Variants in FAM171A1 observed in about 807,000 individuals in gnomAD.
FAM171A1 encodes family with sequence similarity 171 member A1.
In FAM171A1, 23 loss-of-function variants were observed where a neutral mutation model predicts 74.9. That is an observed-to-expected ratio of 0.31 (90% CI 0.22 to 0.44). The LOEUF (loss-of-function observed/expected upper bound fraction) is 0.44. Among genes scored for constraint, FAM171A1 ranks in the 20% least tolerant of loss-of-function variants. The pLI is 1.00. For missense variants in FAM171A1, 1,162 were observed against 1,159.2 expected, an observed-to-expected ratio of 1.00 and a Z score of -0.03; for synonymous variants, 527 against 505.7, an observed-to-expected ratio of 1.04 and a Z score of -0.57.
Position 15,214,220 on chromosome 10 carries a change from G to A in FAM171A1, c.1368C>T (p.Asp456=). Residue 456 remains aspartate (D), a synonymous_variant, in exon 8 of 8, where the codon GAC becomes GAT. Coordinates refer to ENST00000378116, the MANE Select transcript of FAM171A1 (RefSeq NM_001010924.2). ...NLTPSGTLGK[D]YHKSVEVFPL... is the part of the protein sequence containing the mutation. The stretch of plus-strand genomic sequence containing the variant: ...GAAAAACCTCCACTGACTTATGGTA[G>A]TCTTTCCCCAGCGTCCCACTTGGAG... 1 of 1,614,164 alleles carries A rather than the reference G, an allele frequency of 6.2e-7. No homozygotes were observed. Among genetic ancestry groups the A allele is most frequent in the Non-Finnish European group, 8.5e-7 (1 of 1,180,014 alleles).
In FAM171A1 at chr10:15,212,283, G is replaced by C. The variant is rs924296051; in HGVS notation, c.*632C>G. 2 of 153,496 alleles carry C rather than the reference G, an allele frequency of 1.3e-5. No individual in the cohort carries two copies. The highest frequency in any genetic ancestry group is 4.8e-5 in the African/African-American group (2 of 41,442). 9.5% of individuals were successfully genotyped at this position (153,496 alleles called of 1,614,324 possible). A position where few individuals can be genotyped will look rare whatever the true frequency, so the allele number is the denominator to read the frequency against. On this transcript the variant is annotated 3_prime_UTR_variant, in exon 8 of 8. Coordinates refer to ENST00000378116, the MANE Select transcript of FAM171A1 (RefSeq NM_001010924.2). ...GAGGACACTCAGCGGTTCCTGAAGGGAGACGCTGAGATGGACCGCTGAGAA... is the reference window on the plus strand; with the variant it reads ...GAGGACACTCAGCGGTTCCTGAAGGCAGACGCTGAGATGGACCGCTGAGAA...
chr10:15,255,797 G>A (rs1834573079), intron 3 of FAM171A1, among the ~76,000 whole-genome samples: 2 of 151,736 alleles, frequency 1.3e-5, no homozygotes, highest in Non-Finnish European at 2.9e-5. Flanking sequence ...ACAGGTGCCC[G>A]CCACCACACC....
intron 1 of FAM171A1, among the ~76,000 whole-genome samples, chr10:15,340,266 G>GA (rs1835750587): frequency 6.6e-6 from 1 of 152,130 alleles, no homozygotes; most frequent in Non-Finnish European, 1.5e-5. Context: ...TAGGAAGAGG[G>GA]ATGAAGGGAT....
intron 3 of FAM171A1, among the ~76,000 whole-genome samples, chr10:15,258,015 C>T (rs542602682): frequency 4.6e-5 from 7 of 152,250 alleles, no homozygotes; most frequent in South Asian, 2.1e-4. Flanking sequence ...CCTGAAAATA[C>T]GGGGGTCCCC....
chr10:15,289,927 C>T (rs1239775574), intron 1 of FAM171A1, among the ~76,000 whole-genome samples: 1 of 152,300 alleles, frequency 6.6e-6, no homozygotes, highest in African/African-American at 2.4e-5. Flanking sequence ...GAACTCACTA[C>T]TTTTGGCCCT....
At chr10:15,298,888 C>G (rs1214033818) in intron 1 of FAM171A1, among the ~76,000 whole-genome samples, 2 of 152,148 alleles carry the variant, frequency 1.3e-5, no homozygotes, top group African/African-American at 4.8e-5. Context: ...CCACAACAAG[C>G]CACCCCAACA....
chr10:15,370,604 C>A (rs1405951307), intron 1 of FAM171A1, among the ~76,000 whole-genome samples: 1 of 151,988 alleles, frequency 6.6e-6, no homozygotes, highest in African/African-American at 2.4e-5. Context: ...TCCGCGGCGA[C>A]ATGGGAGACA....
chr10:15,275,823 A>G, intron 3 of FAM171A1, 32 bp downstream of exon 3: 1 of 1,396,188 alleles, frequency 7.2e-7, no homozygotes, highest in South Asian at 1.2e-5. Context: ...ATCAAAAATA[A>G]CAATAAAAAC....
chr10:15,301,117 C>T (rs1835222920), intron 1 of FAM171A1, among the ~76,000 whole-genome samples: 1 of 152,142 alleles, frequency 6.6e-6, no homozygotes, highest in South Asian at 2.1e-4. Context: ...TTAAGTACTT[C>T]TGCACATATT....
chr10:15,219,319 A>AAC (rs1260726900), intron 6 of FAM171A1, among the ~76,000 whole-genome samples: 2 of 151,972 alleles, frequency 1.3e-5, no homozygotes, highest in Non-Finnish European at 2.9e-5. Context: ...ACAAAACCAA[A>AAC]ACACACACAC....
intron 1 of FAM171A1, among the ~76,000 whole-genome samples, chr10:15,286,623 G>A (rs1456921018): frequency 6.6e-6 from 1 of 152,072 alleles, no homozygotes; most frequent in Non-Finnish European, 1.5e-5. Context: ...ATCCTACACT[G>A]GGGCAACCAT....
At chr10:15,236,519 G>GTC (rs929261126) in intron 5 of FAM171A1, among the ~76,000 whole-genome samples, 29 of 151,802 alleles carry the variant, frequency 1.9e-4, no homozygotes, top group African/African-American at 7.0e-4. Context: ...CACACAACGA[G>GTC]TCACCAGAGG....
At chr10:15,279,113 G>T (rs78310149) in intron 2 of FAM171A1, among the ~76,000 whole-genome samples, 3 of 152,126 alleles carry the variant, frequency 2.0e-5, no homozygotes, top group East Asian at 1.9e-4. Flanking sequence ...GACCGGTTTG[G>T]GGGGCTCGGA....
intron 1 of FAM171A1, among the ~76,000 whole-genome samples, chr10:15,303,189 C>CAAA (rs796631305): frequency 6.7e-6 from 1 of 149,788 alleles, no homozygotes; most frequent in Non-Finnish European, 1.5e-5. Flanking sequence ...AGCTCCATCT[C>CAAA]AAAAAAAAAG....
intron 6 of FAM171A1, among the ~76,000 whole-genome samples, chr10:15,220,443 G>A (rs1834022174): frequency 6.6e-6 from 1 of 152,210 alleles, no homozygotes; most frequent in Admixed American, 6.5e-5. Flanking sequence ...CGTTCTGAAA[G>A]ATATGCATTA....
chr10:15,303,406 G>A (rs747230865), intron 1 of FAM171A1, among the ~76,000 whole-genome samples: 6 of 152,138 alleles, frequency 3.9e-5, no homozygotes, highest in Non-Finnish European at 5.9e-5. Context: ...GTGAACATCA[G>A]CATACGGTAT....
intron 5 of FAM171A1, among the ~76,000 whole-genome samples, chr10:15,232,291 A>C (rs1042216661): frequency 6.6e-6 from 1 of 151,890 alleles, no homozygotes; most frequent in Admixed American, 6.6e-5. Context: ...CTCAAATGTC[A>C]CTTCTCCAAA....
rs1266799703 is a variant in FAM171A1, at chr10:15,213,349, T to C, written c.2239A>G (p.Asn747Asp). ...CCCTTCCGGGCTGATTTTGGTTCAT[T>C]CATATCTACGCCAGAGTCCAAACTG... ...DASLDSGVDM[N>D]EPKSARKGRG... The change falls in exon 8 of 8, where the codon AAT becomes GAT. Residue 747 changes from asparagine (N) to aspartate (D), a missense_variant. Physicochemically the swap from Asn to Asp is conservative, Grantham distance 23. Transcript: ENST00000378116. This position sits in a 1 kb window ranked among gnomAD's most constrained non-coding sequence, Gnocchi z 6.8. The C allele has an allele frequency of 6.2e-7, 1 of 1,614,178 alleles. No individual in the cohort carries two copies. Among genetic ancestry groups the C allele is most frequent in the South Asian group, 1.1e-5 (1 of 91,086 alleles).
chr10:15,226,528 C>G (rs1013817257), intron 5 of FAM171A1, among the ~76,000 whole-genome samples: 2 of 152,182 alleles, frequency 1.3e-5, no homozygotes, highest in Non-Finnish European at 2.9e-5. Context: ...ACAGCCATCC[C>G]CAGGACACCT....
Sources: allele counts gnomAD v4.1 joint callset (sites outside exome capture counted in the v4.1 genomes callset), GRCh38; gene constraint gnomAD v4.1.1; non-coding constraint Gnocchi (gnomAD v3.1); transcripts MANE v1.5; gene names NCBI Gene and HGNC (gene_info 2026-07-23, HGNC 2026-07-21).